Variants in KIAA0232 observed in about 807,000 individuals in gnomAD.
The protein encoded by KIAA0232 is uncharacterized protein KIAA0232.
A neutral mutation model predicts 122.0 loss-of-function variants in KIAA0232; 27 were observed. The observed-to-expected ratio is 0.22, with a 90% CI of 0.16 to 0.31. The LOEUF (loss-of-function observed/expected upper bound fraction) is 0.31. Ranked by LOEUF, KIAA0232 falls within the 10% of genes least tolerant of loss-of-function variation. The pLI, the probability that KIAA0232 is intolerant of heterozygous loss-of-function variation, is 1.00. For synonymous variants in KIAA0232, 613 were observed against 587.6 expected (o/e 1.04, Z -0.63); for missense variants, 1,551 against 1,634.2 (o/e 0.95, Z 0.88).
rs79662864 is a variant in KIAA0232, at chr4:6,828,961, T to C, written c.231+4277T>C. ...TCAGTTTTTGTCACCTGTCCCGATATTGTTTCTCATTGCAGTTTTCTCCCT... is the reference window on the plus strand; with the variant it reads ...TCAGTTTTTGTCACCTGTCCCGATACTGTTTCTCATTGCAGTTTTCTCCCT... On this transcript the variant is annotated intron_variant, in intron 3 of 9. Transcript: ENST00000307659. Among the ~76,000 whole-genome samples, 1,380 of 152,082 alleles carry C rather than the reference T, an allele frequency of 9.1e-3. 9 individuals carry two copies. The highest frequency in any genetic ancestry group is 0.012 in the Non-Finnish European group (814 of 67,990).
At chr4:6,832,402 G>A (rs1184208138) in intron 3 of KIAA0232, among the ~76,000 whole-genome samples, 20 of 149,154 alleles carry the variant, frequency 1.3e-4, no homozygotes, top group Non-Finnish European at 2.4e-4. Flanking sequence ...AGGCTGGAGT[G>A]TAGTGGCGTG....
chr4:6,788,251 C>T (rs374589111), intron 1 of KIAA0232, among the ~76,000 whole-genome samples: 2 of 152,130 alleles, frequency 1.3e-5, no homozygotes, highest in African/African-American at 4.8e-5. Context: ...CTCCTGGGCT[C>T]AAGTAATCTG....
At chr4:6,815,961 A>G (rs1718102327) in intron 2 of KIAA0232, among the ~76,000 whole-genome samples, 1 of 152,180 alleles carries the variant, frequency 6.6e-6, no homozygotes, top group Non-Finnish European at 1.5e-5. Flanking sequence ...TGAACTCTCT[A>G]TCGACAACAA....
chr4:6,840,264 T>A (rs2109127136), intron 3 of KIAA0232, among the ~76,000 whole-genome samples: 1 of 152,282 alleles, frequency 6.6e-6, no homozygotes, highest in East Asian at 1.9e-4. Flanking sequence ...AGAGGTCATG[T>A]TCCCCGCATT....
intron 1 of KIAA0232, among the ~76,000 whole-genome samples, chr4:6,791,881 G>A (rs931911506): frequency 2.0e-5 from 3 of 152,170 alleles, no homozygotes; most frequent in Non-Finnish European, 4.4e-5. Context: ...GTTGTAGGAG[G>A]GACCTGGTGG....
At chr4:6,797,042 A>G (rs1250664250) in intron 1 of KIAA0232, among the ~76,000 whole-genome samples, 2 of 152,230 alleles carry the variant, frequency 1.3e-5, no homozygotes, top group African/African-American at 4.8e-5. Context: ...GTTGGTAGCT[A>G]TAACAGTGTA....
rs1718586818 is a variant in KIAA0232, at chr4:6,824,692, C to T, written c.231+8C>T. On this transcript the variant is annotated splice_region_variant and intron_variant, in intron 3 of 9. Coordinates refer to ENST00000307659, the MANE Select transcript of KIAA0232 (RefSeq NM_014743.3). ...TACGACCTGCAGGAACAGGTATTTA[C>T]ATATTTTAAGTGTTTTCTGAAAACT... is the stretch of plus-strand genomic sequence containing the variant. 2.5e-6 allele frequency: 4 copies of T among 1,610,096 alleles called. No individual in the cohort carries two copies. Among genetic ancestry groups the T allele is most frequent in the Non-Finnish European group, 3.4e-6 (4 of 1,176,542 alleles).
intron 7 of KIAA0232, among the ~76,000 whole-genome samples, chr4:6,864,921 T>G (rs2108808827): frequency 6.6e-6 from 1 of 152,224 alleles, no homozygotes; most frequent in East Asian, 1.9e-4. Context: ...ATAAAACAAA[T>G]TATATCTCTA....
intron 2 of KIAA0232, among the ~76,000 whole-genome samples, chr4:6,805,967 T>C (rs983063964): frequency 2.0e-5 from 3 of 152,160 alleles, no homozygotes; most frequent in Non-Finnish European, 4.4e-5. Flanking sequence ...TTTTGTTTTA[T>C]CTTGTTTTTG....
At chr4:6,878,258 C>T (rs1278839188) in intron 9 of KIAA0232, among the ~76,000 whole-genome samples, 1 of 152,080 alleles carries the variant, frequency 6.6e-6, no homozygotes, top group Non-Finnish European at 1.5e-5. Context: ...CCCTGTAATC[C>T]CAGCTACTTG....
chr4:6,810,251 A>G (rs1717816743), intron 2 of KIAA0232, among the ~76,000 whole-genome samples: 1 of 152,202 alleles, frequency 6.6e-6, no homozygotes, highest in African/African-American at 2.4e-5. Flanking sequence ...GGCACAGAAT[A>G]GAGAGTCCAG....
chr4:6,788,661 A>G (rs184236614), intron 1 of KIAA0232, among the ~76,000 whole-genome samples: 1 of 152,236 alleles, frequency 6.6e-6, no homozygotes, highest in Admixed American at 6.5e-5. Context: ...AGTCTTTTAC[A>G]TAGTACTCAT....
chr4:6,800,680 C>CAAA (rs113651133), intron 1 of KIAA0232, among the ~76,000 whole-genome samples: 1 of 129,018 alleles, frequency 7.8e-6, no homozygotes, highest in African/African-American at 2.8e-5. Flanking sequence ...AACTCCGTCT[C>CAAA]AAAAAAAAAA....
chr4:6,843,302 G>C (rs1015501359), intron 4 of KIAA0232, among the ~76,000 whole-genome samples: 12 of 152,136 alleles, frequency 7.9e-5, no homozygotes, highest in African/African-American at 2.9e-4. Context: ...AGTGGATTCT[G>C]ACCTCCAGAA....
chr4:6,792,528 A>G (rs546541018), intron 1 of KIAA0232, among the ~76,000 whole-genome samples: 67 of 152,304 alleles, frequency 4.4e-4, no homozygotes, highest in Non-Finnish European at 9.0e-4. Flanking sequence ...AGATAATTTC[A>G]TACAATTAAG....
At position 6,870,670 on chromosome 4, in the gene KIAA0232, T is replaced by A. The variant is rs555766133; in HGVS notation, c.3802-904T>A. Among the ~76,000 whole-genome samples, 11 of 152,144 alleles carry A rather than the reference T, an allele frequency of 7.2e-5. No individual in the cohort carries two copies. In the East Asian group the frequency reaches 2.1e-3, roughly 29 times the overall value. ...ATACAAAAATTAGCCGGGGTGGTGGTACATGCCTGTAGTCCCAGCTACTCA... is the reference window on the plus strand; with the variant it reads ...ATACAAAAATTAGCCGGGGTGGTGGAACATGCCTGTAGTCCCAGCTACTCA... On this transcript the variant is annotated intron_variant, in intron 7 of 9. Coordinates refer to ENST00000307659, the MANE Select transcript of KIAA0232 (RefSeq NM_014743.3).
intron 1 of KIAA0232, among the ~76,000 whole-genome samples, chr4:6,789,001 C>T (rs1386264671): frequency 4.0e-5 from 6 of 151,658 alleles, no homozygotes; most frequent in East Asian, 1.9e-4. Context: ...GACAGAATCT[C>T]GCTCTGTCGC....
chr4:6,864,128 G>A lies in KIAA0232; in HGVS notation c.3746G>A (p.Gly1249Asp). ...EINNFCGCKA[G>D]CQFPAYEDNP... Reference sequence around the variant, plus strand: ...AATAATTTTTGTGGTTGCAAAGCAGGTTGTCAGTTTCCTGCTTATGAAGAT... The same window carrying A: ...AATAATTTTTGTGGTTGCAAAGCAGATTGTCAGTTTCCTGCTTATGAAGAT... Residue 1249 changes from glycine (G) to aspartate (D), a missense_variant, in exon 7 of 10, where the codon GGT becomes GAT. By Grantham distance (94) the Gly-to-Asp change is moderately conservative. Coordinates refer to ENST00000307659, the MANE Select transcript of KIAA0232 (RefSeq NM_014743.3). 2 of 1,614,150 alleles carry A rather than the reference G, an allele frequency of 1.2e-6. No individual in the cohort carries two copies. The highest frequency in any genetic ancestry group is 1.1e-5 in the South Asian group (1 of 91,064).
chr4:6,818,546 C>G (rs1215127635), intron 2 of KIAA0232, among the ~76,000 whole-genome samples: 1 of 151,792 alleles, frequency 6.6e-6, no homozygotes, highest in Non-Finnish European at 1.5e-5. Flanking sequence ...AAGATCTCTG[C>G]AAGAAGGACG....
Sources: allele counts gnomAD v4.1 joint callset (sites outside exome capture counted in the v4.1 genomes callset), GRCh38; gene constraint gnomAD v4.1.1; transcripts MANE v1.5; gene names NCBI Gene and HGNC (gene_info 2026-07-23, HGNC 2026-07-21).